The following VSIG1 variants were observed in gnomAD, a reference collection of about 807,000 sequenced individuals.
The protein encoded by VSIG1 is V-set and immunoglobulin domain-containing protein 1.
In VSIG1, 11 loss-of-function variants were observed where a neutral mutation model predicts 20.1. The ratio of observed to expected loss-of-function variants is 0.55; its 90% CI spans 0.34 to 0.91. The LOEUF (loss-of-function observed/expected upper bound fraction) is 0.91. Ranked by LOEUF, VSIG1 falls within the 40% of genes least tolerant of loss-of-function variation. The pLI, the probability that VSIG1 is intolerant of heterozygous loss-of-function variation, is 0.02. For missense variants in VSIG1, 283 were observed against 298.8 expected (o/e 0.95, Z 0.39); for synonymous variants, 126 against 116.7 (o/e 1.08, Z -0.52).
At chrX:108,047,945 T>TATATATAC (rs2030669087) in intron 1 of VSIG1, among the ~76,000 whole-genome samples, 7 of 37,153 alleles carry the variant, frequency 1.9e-4, no homozygotes, top group Non-Finnish European at 2.4e-4. Context: ...CACATATATA[T>TATATATAC]ATATATATAC....
the VSIG1 span, among the ~76,000 whole-genome samples, chrX:108,032,487 A>G: frequency 1.8e-5 from 2 of 111,866 alleles, no homozygotes; most frequent in African/African-American, 6.5e-5. Flanking sequence ...CACTAAACAC[A>G]GTATGTACTG....
chrX:108,065,830 C>A, intron 2 of VSIG1, among the ~76,000 whole-genome samples: 1 of 112,083 alleles, frequency 8.9e-6, no homozygotes, highest in South Asian at 3.7e-4. Flanking sequence ...AACTTAAATG[C>A]CTATACTTGG....
At chrX:108,058,977 T>C (rs777189459) in intron 2 of VSIG1, among the ~76,000 whole-genome samples, 145 of 111,797 alleles carry the variant, frequency 1.3e-3, no homozygotes, top group African/African-American at 4.5e-3. Flanking sequence ...TGCGTGTGTG[T>C]GTTTGTGTGT....
chrX:108,055,676 A>C (rs1383761454), intron 1 of VSIG1, among the ~76,000 whole-genome samples: 1 of 104,256 alleles, frequency 9.6e-6, no homozygotes, highest in Non-Finnish European at 2.0e-5. Flanking sequence ...CATTCAGTGT[A>C]ATCCACCATA....
the VSIG1 span, among the ~76,000 whole-genome samples, chrX:108,032,410 G>A: frequency 1.8e-5 from 2 of 111,848 alleles, no homozygotes; most frequent in African/African-American, 6.5e-5. Flanking sequence ...AGGTGATTAG[G>A]ATGCAGGAAT....
chrX:108,071,020 C>T (rs1407029757), intron 3 of VSIG1, among the ~76,000 whole-genome samples: 1 of 111,439 alleles, frequency 9.0e-6, no homozygotes, highest in African/African-American at 3.3e-5. Context: ...GTATTTAATA[C>T]TTGGATCAGC....
chrX:108,072,178 G>A (rs1371495374), intron 3 of VSIG1, among the ~76,000 whole-genome samples: 1 of 110,178 alleles, frequency 9.1e-6, no homozygotes, highest in African/African-American at 3.3e-5. Context: ...CTCTTGACTA[G>A]AAGGGCCCTG....
Position 108,045,121 on chromosome X carries a change from C to A in VSIG1, c.-10C>A, listed in dbSNP as rs918887042. Reference sequence around the variant, plus strand: ...ACTGGCACCTGCTGCTCTCAACTAACCTCCACACAATGGTGTTCGCATTTT... The same window carrying A: ...ACTGGCACCTGCTGCTCTCAACTAAACTCCACACAATGGTGTTCGCATTTT... On this transcript the variant is annotated 5_prime_UTR_variant, in exon 1 of 7. Coordinates refer to ENST00000217957, the MANE Select transcript of VSIG1 (RefSeq NM_182607.5). The A allele has an allele frequency of 8.5e-7, 1 of 1,178,314 alleles. No individual in the cohort carries two copies. Among genetic ancestry groups the A allele is most frequent in the Non-Finnish European group, 1.1e-6 (1 of 877,354 alleles).
intron 2 of VSIG1, among the ~76,000 whole-genome samples, chrX:108,062,163 C>T (rs1475397906): frequency 9.0e-6 from 1 of 111,146 alleles, no homozygotes; most frequent in Non-Finnish European, 1.9e-5. Flanking sequence ...ACTACAGAGA[C>T]CCCACCTGTC....
chrX:108,067,299 G>A (rs2031152804), intron 3 of VSIG1, among the ~76,000 whole-genome samples, 165 bp downstream of exon 3: 1 of 111,635 alleles, frequency 9.0e-6, no homozygotes. Flanking sequence ...AACCAAAACA[G>A]TAACACTGAG....
chrX:108,020,341 C>G, the VSIG1 span, among the ~76,000 whole-genome samples: 1 of 111,519 alleles, frequency 9.0e-6, no homozygotes, highest in African/African-American at 3.3e-5. Context: ...TTCAGTGATT[C>G]CTGTATGATT....
the VSIG1 span, among the ~76,000 whole-genome samples, chrX:108,028,985 A>AC: frequency 9.0e-6 from 1 of 111,731 alleles, no homozygotes. Context: ...TGATCCAAAG[A>AC]CAATTGAGGA....
chrX:108,056,600 A>T (rs1382393970), intron 1 of VSIG1, among the ~76,000 whole-genome samples: 3 of 112,724 alleles, frequency 2.7e-5, no homozygotes, highest in Non-Finnish European at 5.6e-5. Flanking sequence ...TTTGCTGAAG[A>T]TGTACAAATG....
the VSIG1 span, among the ~76,000 whole-genome samples, chrX:108,037,451 A>T: frequency 3.6e-5 from 4 of 111,740 alleles, no homozygotes; most frequent in Non-Finnish European, 7.5e-5. Flanking sequence ...TCAGCTCCCA[A>T]GCACCGCAAA....
the VSIG1 span, among the ~76,000 whole-genome samples, chrX:108,022,272 C>T: frequency 9.0e-6 from 1 of 111,601 alleles, no homozygotes; most frequent in African/African-American, 3.3e-5. Context: ...CTTCCTTGGT[C>T]AAGTTTATTC....
chrX:108,040,272 G>T (rs2030458414), upstream of VSIG1, among the ~76,000 whole-genome samples: 1 of 111,369 alleles, frequency 9.0e-6, no homozygotes, highest in South Asian at 3.8e-4. Flanking sequence ...TCTACAAAGA[G>T]GCCCAACCAC....
chrX:108,039,087 G>A, the VSIG1 span, among the ~76,000 whole-genome samples: 1 of 111,355 alleles, frequency 9.0e-6, no homozygotes, highest in Non-Finnish European at 1.9e-5. Flanking sequence ...GCAAATTTAG[G>A]GGCTTATAAT....
chrX:108,040,691 A>T (rs1467315366), upstream of VSIG1, among the ~76,000 whole-genome samples: 2 of 112,256 alleles, frequency 1.8e-5, no homozygotes, highest in Admixed American at 1.9e-4. Flanking sequence ...AAATAAATTG[A>T]GGTACATTCA....
chrX:108,063,170 G>A (rs2031061984), intron 2 of VSIG1, among the ~76,000 whole-genome samples: 1 of 111,769 alleles, frequency 8.9e-6, no homozygotes, highest in African/African-American at 3.3e-5. Context: ...CTCAGCATGG[G>A]AAGCATCATG....
Sources: gnomAD v4.1 joint callset for allele counts (sites outside exome capture counted in the v4.1 genomes callset) on GRCh38, gnomAD v4.1.1 for gene constraint, MANE v1.5 for transcripts, NCBI Gene and HGNC (gene_info 2026-07-23, HGNC 2026-07-21) for gene names.